Variants in CALCR observed in about 807,000 individuals in gnomAD.
The protein encoded by CALCR is calcitonin receptor.
In CALCR, 47 loss-of-function variants were observed where a neutral mutation model predicts 59.5. That is an observed-to-expected ratio of 0.79 (90% confidence interval 0.63 to 1.01). CALCR has a LOEUF of 1.01. Ranked by LOEUF, CALCR falls within the 50% of genes least tolerant of loss-of-function variation. The pLI is 0.00. For synonymous variants in CALCR, 213 were observed against 211.3 expected, an observed-to-expected ratio of 1.01 and a Z score of -0.07; for missense variants, 566 against 597.1, an observed-to-expected ratio of 0.95 and a Z score of 0.54.
intron 13 of CALCR, 105 bp downstream of exon 13, chr7:93,434,148 G>T: frequency 1.2e-6 from 1 of 811,732 alleles, no homozygotes; most frequent in East Asian, 2.4e-5. Flanking sequence ...ACCCTATGAG[G>T]TCAACTGTAG....
intron 8 of CALCR, among the ~76,000 whole-genome samples, chr7:93,447,671 C>A (rs986728582): frequency 1.3e-5 from 2 of 151,918 alleles, no homozygotes; most frequent in African/African-American, 4.8e-5. Flanking sequence ...ATGAACTATT[C>A]TTGGCATCAT....
At chr7:93,537,184 A>C (rs914994656) in intron 2 of CALCR, among the ~76,000 whole-genome samples, 2 of 151,810 alleles carry the variant, frequency 1.3e-5, no homozygotes, top group African/African-American at 4.8e-5. Context: ...TTCATATAAC[A>C]TTTATTAAAT....
intron 8 of CALCR, among the ~76,000 whole-genome samples, chr7:93,445,388 A>C (rs1046182236): frequency 1.3e-5 from 2 of 152,130 alleles, no homozygotes; most frequent in African/African-American, 4.8e-5. Flanking sequence ...TTCTGGATCC[A>C]GAAATTAAGC....
chr7:93,534,173 G>T (rs1389945669), intron 2 of CALCR, among the ~76,000 whole-genome samples: 1 of 151,898 alleles, frequency 6.6e-6, no homozygotes, highest in East Asian at 1.9e-4. Flanking sequence ...TGTATCAAGT[G>T]TTTGACAACG....
At position 93,436,356 on chromosome 7, in the gene CALCR, ATGT is replaced by A. The variant is rs71884588; in HGVS notation, c.931-189_931-187del. Among the ~76,000 whole-genome samples the A allele has an allele frequency of 0.27, 41,062 of 151,886 alleles. 5,948 individuals are homozygous for A. Among genetic ancestry groups the A allele is most frequent in the African/African-American group, 0.32 (13,193 of 41,380 alleles). ...GGCTCTAGAGAAGTGGTTTAATTTT[ATGT>A]TCCCTCCAGCAGTATATAAAACAGT... On this transcript the variant is annotated intron_variant, in intron 11 of 13. Coordinates refer to ENST00000426151, the MANE Select transcript of CALCR (RefSeq NM_001742.4).
At chr7:93,430,230 T>C (rs534380100) in intron 13 of CALCR, among the ~76,000 whole-genome samples, 20 of 152,282 alleles carry the variant, frequency 1.3e-4, no homozygotes, top group South Asian at 2.1e-4. Flanking sequence ...CCACCACGCC[T>C]GGCCTAGGTG....
At chr7:93,458,811 G>T (rs1800260490) in intron 8 of CALCR, among the ~76,000 whole-genome samples, 2 of 151,944 alleles carry the variant, frequency 1.3e-5, no homozygotes, top group Non-Finnish European at 2.9e-5. Flanking sequence ...CCAGCGTATT[G>T]TCTCCACATT....
intron 3 of CALCR, 149 bp from the exon 4 acceptor site, chr7:93,479,656 A>G (rs942645313): frequency 6.0e-6 from 4 of 667,590 alleles, no homozygotes; most frequent in African/African-American, 3.7e-5. Context: ...TTTCATATAT[A>G]TTACAAAAAA....
At chr7:93,443,468 G>A in intron 9 of CALCR, 136 bp downstream of exon 9, 1 of 756,228 alleles carries the variant, frequency 1.3e-6, no homozygotes, top group Non-Finnish European at 2.2e-6. Flanking sequence ...CTGAACTCCT[G>A]CCAGTACCTG....
chr7:93,506,275 G>GGA (rs1401340692), intron 2 of CALCR, among the ~76,000 whole-genome samples: 1 of 152,140 alleles, frequency 6.6e-6, no homozygotes, highest in African/African-American at 2.4e-5. Context: ...GGCTGAGATA[G>GGA]GGCACACTGA....
At chr7:93,496,031 C>T in intron 2 of CALCR, 3 of 949,918 alleles carry the variant, frequency 3.2e-6, no homozygotes, top group East Asian at 2.9e-5. Flanking sequence ...AACAGAATGT[C>T]TTCATGTAAG....
intron 2 of CALCR, among the ~76,000 whole-genome samples, chr7:93,505,744 C>T (rs566278034): frequency 6.6e-6 from 1 of 152,200 alleles, no homozygotes; most frequent in African/African-American, 2.4e-5. Flanking sequence ...CAAAATCACG[C>T]GCACACACTT....
rs143104906 is a variant in CALCR, at chr7:93,517,945, T to G, written c.-26-30938A>C. Among the ~76,000 whole-genome samples the G allele has an allele frequency of 4.1e-4, 62 of 152,098 alleles. No homozygotes were observed. In the East Asian group the frequency reaches 0.01, roughly 26 times the overall value. On this transcript the variant is annotated intron_variant, in intron 2 of 13. Coordinates refer to ENST00000426151, the MANE Select transcript of CALCR (RefSeq NM_001742.4). ...TTATATTGGTAGGGACAAGATGGGT[T>G]ATTTAATAAATGGCACTGGAACAAC... is the stretch of plus-strand genomic sequence containing the variant.
chr7:93,468,618 C>T, intron 7 of CALCR, 97 bp downstream of exon 7: 1 of 728,552 alleles, frequency 1.4e-6, no homozygotes, highest in South Asian at 1.9e-5. Context: ...TTGTAATTTG[C>T]TGAAGACCCT....
intron 8 of CALCR, among the ~76,000 whole-genome samples, chr7:93,453,011 T>A (rs1800140578): frequency 6.6e-6 from 1 of 152,010 alleles, no homozygotes; most frequent in Non-Finnish European, 1.5e-5. Context: ...TCAGGTTATT[T>A]GTTATTTACA....
In CALCR at chr7:93,477,617, G is replaced by A. The variant is rs146344939; in HGVS notation, c.257C>T (p.Pro86Leu). The change falls in exon 5 of 14, where the codon CCG becomes CTG. Residue 86 changes from proline to leucine, a missense_variant. Coordinates refer to ENST00000426151, the MANE Select transcript of CALCR (RefSeq NM_001742.4). ...WDGWLCWDDT[P>L]AGVLSYQFCP... ...GAACTGATAGGACAATACTCCAGCC[G>A]GTGTGTCATCCCAGCACAGCCATCC... 64 of 1,611,238 alleles carry A rather than the reference G, an allele frequency of 4.0e-5. No individual in the cohort carries two copies. Among genetic ancestry groups the A allele is most frequent in the Non-Finnish European group, 5.3e-5 (62 of 1,178,412 alleles).
At position 93,436,006 on chromosome 7, in the gene CALCR, G is replaced by A. The variant is rs748129422; in HGVS notation, c.1095C>T (p.Asn365=). The change falls in exon 12 of 14, where the codon AAC becomes AAT. Residue 365 remains asparagine, a synonymous_variant. Coordinates refer to ENST00000426151, the MANE Select transcript of CALCR (RefSeq NM_001742.4). ...AATCATATATCTTCCCAAGCATCTT[G>A]TTGGAAGGTCTCCAGGGAAAGACGA... ...QFVVFPWRPS[N]KMLGKIYDYV... 1.9e-6 allele frequency: 3 copies of A among 1,613,604 alleles called. No individual in the cohort carries two copies. Among genetic ancestry groups the A allele is most frequent in the Admixed American group, 1.7e-5 (1 of 60,006 alleles).
At chr7:93,536,367 T>C (rs138189004) in intron 2 of CALCR, among the ~76,000 whole-genome samples, 10 of 151,896 alleles carry the variant, frequency 6.6e-5, no homozygotes, top group African/African-American at 1.7e-4. Context: ...TTCACTTCTG[T>C]TTAAGAAATG....
At chr7:93,532,480 C>T (rs1788864569) in intron 2 of CALCR, among the ~76,000 whole-genome samples, 1 of 151,988 alleles carries the variant, frequency 6.6e-6, no homozygotes, top group South Asian at 2.1e-4. Flanking sequence ...AGACCCCAAC[C>T]AGCAGGGAAT....
Sources: gnomAD v4.1 joint callset for allele counts (sites outside exome capture counted in the v4.1 genomes callset) on GRCh38, gnomAD v4.1.1 for gene constraint, MANE v1.5 for transcripts, NCBI Gene and HGNC (gene_info 2026-07-23, HGNC 2026-07-21) for gene names.